USP3: variants seen among roughly 807,000 people sequenced by gnomAD.
USP3 encodes ubiquitin carboxyl-terminal hydrolase 3.
A neutral mutation model predicts 72.3 loss-of-function variants in USP3; 20 were observed. That is an observed-to-expected ratio of 0.28 (90% confidence interval 0.19 to 0.40). The LOEUF is 0.40. USP3 is among the 10% of genes least tolerant of loss of function. The pLI is 1.00. For missense variants in USP3, 479 were observed against 633.9 expected (o/e 0.76, Z 2.62); for synonymous variants, 222 against 225.3 (o/e 0.99, Z 0.13).
Position 63,562,924 on chromosome 15 carries a change from T to C in USP3, c.677T>C (p.Leu226Pro), listed in dbSNP as rs755389333. 6.2e-7 allele frequency: 1 copy of C among 1,612,662 alleles called. No homozygotes were observed. The highest frequency in any genetic ancestry group is 8.5e-7 in the Non-Finnish European group (1 of 1,179,454). ...TTGGTAGAAGAGTTTAGAAAGACAC[T>C]CTGTGCTTTATGGCAAGGCAGCCAG... ...VSLVEEFRKT[L>P]CALWQGSQTA... Residue 226 changes from leucine to proline, a missense_variant, in exon 8 of 15, where the codon CTC (leucine) becomes CCC (proline). Coordinates refer to ENST00000380324, the MANE Select transcript of USP3 (RefSeq NM_006537.4).
In USP3 at chr15:63,504,711, C is replaced by T. The variant is rs2065684372; in HGVS notation, c.-29C>T. 6.3e-7 allele frequency: 1 copy of T among 1,575,654 alleles called. No homozygotes were observed. Among genetic ancestry groups the T allele is most frequent in the East Asian group, 2.4e-5 (1 of 42,150 alleles). ...CCCACCTCGCCGGGTCCTGGAGCCG[C>T]AGTCCTCCCAGCTGCCCTCCTCGTG... On this transcript the variant is annotated 5_prime_UTR_variant, in exon 1 of 15. Transcript: ENST00000380324.
In USP3 at chr15:63,544,712, A is replaced by G; in HGVS notation, c.284+7556A>G. ...CCATTAAATAAGTGAATAGTGCGAAATGGAAAATACCGAGGGGTAAGAGAG... is the reference window on the plus strand; with the variant it reads ...CCATTAAATAAGTGAATAGTGCGAAGTGGAAAATACCGAGGGGTAAGAGAG... On this transcript the variant is annotated intron_variant, in intron 3 of 14. Transcript: ENST00000380324. This position sits in a 1 kb window ranked among gnomAD's most constrained non-coding sequence, Gnocchi z 4.2. The G allele has an allele frequency of 1.4e-6, 1 of 702,140 alleles. No homozygotes were observed. The highest frequency in any genetic ancestry group is 2.6e-6 in the Non-Finnish European group (1 of 384,736). The allele number at this position is 702,140 out of a possible 1,614,324, so 43.5% of individuals were successfully genotyped here. A position where few individuals can be genotyped will look rare whatever the true frequency, so the allele number is the denominator to read the frequency against.
intron 1 of USP3, among the ~76,000 whole-genome samples, chr15:63,527,391 C>T (rs2065998890): frequency 6.6e-6 from 1 of 152,180 alleles, no homozygotes; most frequent in Admixed American, 6.5e-5. Context: ...CCTTCTCTCC[C>T]AGTTGAAACA....
intron 1 of USP3, chr15:63,515,478 A>G (rs762678134): frequency 2.0e-5 from 3 of 152,238 alleles, no homozygotes; most frequent in Non-Finnish European, 4.4e-5. Flanking sequence ...GCAGGACCAG[A>G]TGCCCCTCTC....
rs1555398526 is a variant in USP3, at chr15:63,591,532, T to TAAAG, written c.*708_*711dup. 1 of 152,034 alleles carries TAAAG rather than the reference T, an allele frequency of 6.6e-6. No homozygotes were observed. The highest frequency in any genetic ancestry group is 6.6e-5 in the Admixed American group (1 of 15,248). The allele number at this position is 152,034 out of a possible 1,614,324, so 9.4% of individuals were successfully genotyped here. A position where few individuals can be genotyped will look rare whatever the true frequency, so the allele number is the denominator to read the frequency against. On this transcript the variant is annotated 3_prime_UTR_variant, in exon 15 of 15. Transcript: ENST00000380324. The stretch of plus-strand genomic sequence containing the variant: ...TGTTTGCGGGGAGGTAAGATGGGAG[T>TAAAG]AAAGACCAAATACATGTAATGTTTA...
intron 1 of USP3, among the ~76,000 whole-genome samples, chr15:63,509,860 C>T (rs929637771): frequency 4.6e-5 from 7 of 152,098 alleles, no homozygotes; most frequent in African/African-American, 1.7e-4. Flanking sequence ...TTGAGCCTAA[C>T]ATTTACTTGT....
At position 63,570,044 on chromosome 15, in the gene USP3, A is replaced by G. The variant is rs796191485; in HGVS notation, c.762-389A>G. Reference sequence around the variant, plus strand: ...GCTATGACATTGGAGCATCTTCTAGAGAGGTTATGTGGGCAGGGAGAAGAG... The same window carrying G: ...GCTATGACATTGGAGCATCTTCTAGGGAGGTTATGTGGGCAGGGAGAAGAG... On this transcript the variant is annotated intron_variant, in intron 8 of 14. Transcript: ENST00000380324. This position sits in a 1 kb window ranked among gnomAD's most constrained non-coding sequence, Gnocchi z 4.4. Among the ~76,000 whole-genome samples the G allele has an allele frequency of 2.8e-4, 42 of 152,280 alleles. No individual in the cohort carries two copies. Among genetic ancestry groups the G allele is most frequent in the African/African-American group, 9.4e-4 (39 of 41,560 alleles).
At chr15:63,509,816 A>G (rs1359265227) in intron 1 of USP3, among the ~76,000 whole-genome samples, 1 of 152,122 alleles carries the variant, frequency 6.6e-6, no homozygotes, top group East Asian at 1.9e-4. Context: ...TGCTCCATGT[A>G]TGTGTTTTGT....
At chr15:63,511,814 C>T (rs1251052400) in intron 1 of USP3, among the ~76,000 whole-genome samples, 4 of 152,072 alleles carry the variant, frequency 2.6e-5, no homozygotes, top group African/African-American at 9.7e-5. Context: ...CTTCTGGTAG[C>T]TCAGAGATTA....
intron 1 of USP3, among the ~76,000 whole-genome samples, chr15:63,524,834 G>A (rs929961180): frequency 6.6e-6 from 1 of 152,170 alleles, no homozygotes; most frequent in Non-Finnish European, 1.5e-5. Context: ...GGAGTTGCAG[G>A]TTGACATAGA....
intron 3 of USP3, among the ~76,000 whole-genome samples, chr15:63,538,433 T>G (rs1329644622): frequency 6.6e-6 from 1 of 152,224 alleles, no homozygotes; most frequent in Non-Finnish European, 1.5e-5. Context: ...TTTAATTTAC[T>G]TTCTACTGAA....
intron 4 of USP3, among the ~76,000 whole-genome samples, chr15:63,554,251 A>T (rs549111907): frequency 2.6e-5 from 4 of 152,356 alleles, no homozygotes; most frequent in African/African-American, 9.6e-5. Context: ...TCCACTTTGC[A>T]TCTATACAGT....
In USP3 at chr15:63,529,615, A is replaced by G. The variant is rs1295314492; in HGVS notation, c.92-3032A>G. On this transcript the variant is annotated intron_variant, in intron 1 of 14. Transcript: ENST00000380324. This position sits in a 1 kb window ranked among gnomAD's most constrained non-coding sequence, Gnocchi z 4.2. The stretch of plus-strand genomic sequence containing the variant: ...ATAATACCCTGTTCTAAATGCAGGA[A>G]CATGAAGAAATGTGTTCATGCACCT... Among the ~76,000 whole-genome samples, 1 of 152,224 alleles carries G rather than the reference A, an allele frequency of 6.6e-6. No individual in the cohort carries two copies. The highest frequency in any genetic ancestry group is 1.5e-5 in the Non-Finnish European group (1 of 68,026).
intron 8 of USP3, among the ~76,000 whole-genome samples, chr15:63,564,131 A>C (rs1027429507): frequency 6.6e-6 from 1 of 152,196 alleles, no homozygotes; most frequent in Non-Finnish European, 1.5e-5. Flanking sequence ...TAGACTCTTG[A>C]TAGAAGTTTA....
chr15:63,554,551 G>A (rs1034757194), intron 4 of USP3, among the ~76,000 whole-genome samples: 2 of 152,138 alleles, frequency 1.3e-5, no homozygotes, highest in African/African-American at 4.8e-5. Context: ...ATCATTAAGC[G>A]CCATCTAATT....
chr15:63,583,795 C>T lies in USP3; in HGVS notation c.1097-4510C>T, dbSNP rs151155866. 2.6e-5 allele frequency among the ~76,000 whole-genome samples: 4 copies of T among 152,302 alleles called. No individual in the cohort carries two copies. The East Asian group carries it at 7.7e-4, about 29-fold the overall frequency. On this transcript the variant is annotated intron_variant, in intron 11 of 14. Transcript: ENST00000380324. ...GGGGTCATCCATGTTGTAAGCATGT[C>T]TCAGAATTTACTTCCTTTTTGAGGC...
intron 3 of USP3, among the ~76,000 whole-genome samples, chr15:63,547,945 G>A (rs1410324586): frequency 6.6e-6 from 1 of 150,548 alleles, no homozygotes; most frequent in Non-Finnish European, 1.5e-5. Flanking sequence ...CCAGCACTTT[G>A]GGAAGCAGAG....
chr15:63,574,484 TTTAA>T lies in USP3; in HGVS notation c.1096+87_1096+90del, dbSNP rs1452042196. On this transcript the variant is annotated intron_variant, in intron 11 of 14. Coordinates refer to ENST00000380324, the MANE Select transcript of USP3 (RefSeq NM_006537.4). This position sits in a 1 kb window ranked among gnomAD's most constrained non-coding sequence, Gnocchi z 4.6. ...ATAAGCTTCATCTATATGTGGTATCTTTAATTAATATCTTTAATGAATCTGTGTT... is the reference window on the plus strand; with the variant it reads ...ATAAGCTTCATCTATATGTGGTATCTTTAATATCTTTAATGAATCTGTGTT... 9.5e-6 allele frequency: 10 copies of T among 1,047,920 alleles called. No homozygotes were observed. The highest frequency in any genetic ancestry group is 3.6e-5 in the South Asian group (2 of 54,998). 64.9% of individuals were successfully genotyped at this position (1,047,920 alleles called of 1,614,324 possible). A position where few individuals can be genotyped will look rare whatever the true frequency, so the allele number is the denominator to read the frequency against.
intron 1 of USP3, among the ~76,000 whole-genome samples, chr15:63,512,371 C>CTTTCTT (rs2065800502): frequency 1.4e-5 from 2 of 147,432 alleles, no homozygotes; most frequent in Admixed American, 1.4e-4. Context: ...CTTCTTTCTT[C>CTTTCTT]TTTCTTCTTT....
Sources: allele counts gnomAD v4.1 joint callset (sites outside exome capture counted in the v4.1 genomes callset), GRCh38; gene constraint gnomAD v4.1.1; non-coding constraint Gnocchi (gnomAD v3.1); transcripts MANE v1.5; gene names NCBI Gene and HGNC (gene_info 2026-07-23, HGNC 2026-07-21).